GALNT13: variants seen among roughly 807,000 people sequenced by gnomAD.
GALNT13 encodes the protein UDP-GalNAc:polypeptide N-acetylgalactosaminyltransferase 13.
A neutral mutation model predicts 64.2 loss-of-function variants in GALNT13; 28 were observed. The observed-to-expected ratio is 0.44, with a 90% CI of 0.32 to 0.60. The LOEUF is 0.60. Among genes scored for constraint, GALNT13 ranks in the 20% least tolerant of loss-of-function variants. The pLI is 0.05. For synonymous variants in GALNT13, 214 were observed against 224.6 expected, an observed-to-expected ratio of 0.95 and a Z score of 0.42; for missense variants, 577 against 669.8, an observed-to-expected ratio of 0.86 and a Z score of 1.53.
chr2:153,540,261 C>G, the GALNT13 span, among the ~76,000 whole-genome samples: 2 of 152,176 alleles, frequency 1.3e-5, no homozygotes, highest in Admixed American at 6.5e-5. Context: ...GGTACAAGTC[C>G]CAAGCCTTGG....
the GALNT13 span, among the ~76,000 whole-genome samples, chr2:153,407,512 T>C: frequency 6.6e-6 from 1 of 152,194 alleles, no homozygotes; most frequent in East Asian, 1.9e-4. Flanking sequence ...GGACCTCATG[T>C]AAAATACTCT....
At chr2:153,093,043 G>GT in the GALNT13 span, among the ~76,000 whole-genome samples, 30,074 of 148,214 alleles carry the variant, frequency 0.2, 3,294 homozygotes, top group Non-Finnish European at 0.26. Context: ...AGTTTTTGAG[G>GT]TTTTTTTTTT....
the GALNT13 span, among the ~76,000 whole-genome samples, chr2:153,376,595 A>G: frequency 4.6e-5 from 7 of 152,216 alleles, no homozygotes; most frequent in East Asian, 1.4e-3. Flanking sequence ...AATCTGCAAA[A>G]TTTGGTGACT....
At chr2:153,555,340 G>A in the GALNT13 span, among the ~76,000 whole-genome samples, 14 of 135,450 alleles carry the variant, frequency 1.0e-4, 1 homozygote, top group Non-Finnish European at 1.9e-4. Context: ...GACTACAGGC[G>A]CCCGCTACCA....
At chr2:153,629,906 A>T in the GALNT13 span, among the ~76,000 whole-genome samples, 2 of 148,610 alleles carry the variant, frequency 1.3e-5, no homozygotes, top group Admixed American at 6.7e-5. Flanking sequence ...AATGCTCATC[A>T]TCACTGGCCA....
chr2:153,099,698 T>C, the GALNT13 span, among the ~76,000 whole-genome samples: 14 of 152,374 alleles, frequency 9.2e-5, no homozygotes, highest in African/African-American at 3.4e-4. Flanking sequence ...GCTTATTTCA[T>C]GGTATTTCTC....
At chr2:153,608,617 A>G in the GALNT13 span, among the ~76,000 whole-genome samples, 1 of 149,260 alleles carries the variant, frequency 6.7e-6, no homozygotes, top group Non-Finnish European at 1.5e-5. Context: ...TATATAATAT[A>G]TACATATATT....
At chr2:153,340,832 T>C in the GALNT13 span, among the ~76,000 whole-genome samples, 1 of 152,214 alleles carries the variant, frequency 6.6e-6, no homozygotes, top group Admixed American at 6.5e-5. Flanking sequence ...TATTAGCCAA[T>C]TTCCCTGAAT....
In GALNT13 at chr2:153,872,107, A is replaced by G. The variant is rs1685987403; in HGVS notation, c.-373A>G. 5 of 151,564 alleles carry G rather than the reference A, an allele frequency of 3.3e-5. No homozygotes were observed. The highest frequency in any genetic ancestry group is 3.3e-4 in the Admixed American group (5 of 15,258). 9.4% of individuals were successfully genotyped at this position (151,564 alleles called of 1,614,324 possible). The stretch of plus-strand genomic sequence containing the variant: ...AGCCGGCTCCCTCTGCTCGCGGGCA[A>G]GTGTGAAGAGAGAGGCGCGGGCGGG... On this transcript the variant is annotated 5_prime_UTR_variant, in exon 1 of 13. Coordinates refer to ENST00000392825, the MANE Select transcript of GALNT13 (RefSeq NM_052917.4).
chr2:153,510,376 C>T, the GALNT13 span, among the ~76,000 whole-genome samples: 4 of 152,116 alleles, frequency 2.6e-5, no homozygotes, highest in Non-Finnish European at 4.4e-5. Context: ...TTACTCAATA[C>T]GTGATTACTG....
At chr2:153,795,670 C>T in the GALNT13 span, among the ~76,000 whole-genome samples, 1 of 152,124 alleles carries the variant, frequency 6.6e-6, no homozygotes, top group Non-Finnish European at 1.5e-5. Context: ...CTTTAGGTTA[C>T]AATTGATTCC....
At chr2:154,148,976 G>C (rs1398226671) in intron 4 of GALNT13, among the ~76,000 whole-genome samples, 1 of 152,102 alleles carries the variant, frequency 6.6e-6, no homozygotes, top group Non-Finnish European at 1.5e-5. Context: ...CATTGCTTTT[G>C]GTGTTTTAGA....
At chr2:153,558,494 TCTC>T in the GALNT13 span, among the ~76,000 whole-genome samples, 2 of 152,200 alleles carry the variant, frequency 1.3e-5, no homozygotes, top group Non-Finnish European at 1.5e-5. Flanking sequence ...CTTTAGCTGA[TCTC>T]CTCAGTGTGG....
chr2:153,835,675 A>T, the GALNT13 span, among the ~76,000 whole-genome samples: 1 of 150,252 alleles, frequency 6.7e-6, no homozygotes, highest in East Asian at 1.9e-4. Context: ...TATGCTTCAT[A>T]ATATAAAAGA....
At chr2:153,287,040 C>A in the GALNT13 span, among the ~76,000 whole-genome samples, 1 of 152,094 alleles carries the variant, frequency 6.6e-6, no homozygotes, top group Non-Finnish European at 1.5e-5. Flanking sequence ...AAAGCACTCA[C>A]AAATTAAAAA....
Position 154,063,141 on chromosome 2 carries a change from T to C in GALNT13, c.143-77196T>C, listed in dbSNP as rs185501253. Among the ~76,000 whole-genome samples, 12 of 152,246 alleles carry C rather than the reference T, an allele frequency of 7.9e-5. No homozygotes were observed. The East Asian group carries it at 2.3e-3, about 29-fold the overall frequency. On this transcript the variant is annotated intron_variant, in intron 3 of 12. Coordinates refer to ENST00000392825, the MANE Select transcript of GALNT13 (RefSeq NM_052917.4). Reference sequence around the variant, plus strand: ...GTTTCTGCAGCAAATATGTATTTCCTTATTTTTCTTCACTGCCTCATTTCA... The same window carrying C: ...GTTTCTGCAGCAAATATGTATTTCCCTATTTTTCTTCACTGCCTCATTTCA...
the GALNT13 span, among the ~76,000 whole-genome samples, chr2:153,464,381 G>A: frequency 6.6e-6 from 1 of 152,004 alleles, no homozygotes; most frequent in South Asian, 2.1e-4. Flanking sequence ...CAGAGTTTAA[G>A]ACCACATCGT....
intron 9 of GALNT13, among the ~76,000 whole-genome samples, chr2:154,379,169 C>T (rs1461336125): frequency 3.3e-5 from 5 of 151,978 alleles, no homozygotes; most frequent in Non-Finnish European, 5.9e-5. Context: ...TTATGTCATT[C>T]GCTCATCTTA....
the GALNT13 span, among the ~76,000 whole-genome samples, chr2:153,611,345 GC>G: frequency 2.0e-5 from 3 of 151,802 alleles, no homozygotes; most frequent in East Asian, 1.9e-4. Flanking sequence ...CCAGGCCCCT[GC>G]CCCCCCGTCC....
Sources: allele counts gnomAD v4.1 joint callset (sites outside exome capture counted in the v4.1 genomes callset), GRCh38; gene constraint gnomAD v4.1.1; transcripts MANE v1.5; gene names NCBI Gene and HGNC (gene_info 2026-07-23, HGNC 2026-07-21).